The following AATF variants were observed in gnomAD, a reference collection of about 807,000 sequenced individuals.
The protein encoded by AATF is apoptosis antagonizing transcription factor.
Under a neutral mutation model 63.7 loss-of-function variants are expected in AATF, and 48 were observed. The observed-to-expected ratio is 0.75, with a 90% CI of 0.60 to 0.96. AATF has a LOEUF of 0.96. AATF is among the 40% of genes least tolerant of loss of function. AATF has a pLI of 0.00. For missense variants in AATF, 639 were observed against 685.7 expected (o/e 0.93, Z 0.76); for synonymous variants, 258 against 247.7 (o/e 1.04, Z -0.39).
intron 8 of AATF, among the ~76,000 whole-genome samples, chr17:37,018,363 T>C (rs958287039): frequency 2.0e-5 from 3 of 152,218 alleles, no homozygotes; most frequent in Non-Finnish European, 2.9e-5. Context: ...TAATCCTCTG[T>C]GGTATATTTG....
chr17:37,024,874 G>A (rs977933976), intron 10 of AATF, among the ~76,000 whole-genome samples: 7 of 152,158 alleles, frequency 4.6e-5, no homozygotes, highest in East Asian at 1.9e-4. Context: ...CGGGAGAATC[G>A]TTTGAACCAG....
At chr17:36,984,384 G>A (rs1314488480) in intron 4 of AATF, among the ~76,000 whole-genome samples, 2 of 152,172 alleles carry the variant, frequency 1.3e-5, no homozygotes, top group African/African-American at 4.8e-5. Context: ...AATGCAGAGA[G>A]GTTCAGACAG....
chr17:37,029,892 G>A (rs1401880631), intron 10 of AATF, among the ~76,000 whole-genome samples: 2 of 151,786 alleles, frequency 1.3e-5, no homozygotes, highest in African/African-American at 4.8e-5. Context: ...TTGTAGAGAC[G>A]GGGTCTTGCT....
At chr17:37,037,394 G>C (rs1402154343) in intron 11 of AATF, among the ~76,000 whole-genome samples, 3 of 152,140 alleles carry the variant, frequency 2.0e-5, no homozygotes, top group Admixed American at 6.6e-5. Context: ...AGAAGAAAAG[G>C]CTTGACATCT....
At chr17:37,028,912 AT>A (rs1287524363) in intron 10 of AATF, among the ~76,000 whole-genome samples, 1 of 152,216 alleles carries the variant, frequency 6.6e-6, no homozygotes, top group Non-Finnish European at 1.5e-5. Flanking sequence ...GACATTGCTT[AT>A]AAGGCTAGGT....
At chr17:36,951,185 G>A (rs903774592) in intron 2 of AATF, among the ~76,000 whole-genome samples, 1 of 152,170 alleles carries the variant, frequency 6.6e-6, no homozygotes, top group Non-Finnish European at 1.5e-5. Flanking sequence ...CTTTAGAAAG[G>A]TCAGGGGTGT....
intron 11 of AATF, among the ~76,000 whole-genome samples, chr17:37,045,279 C>A (rs933483198): frequency 4.6e-5 from 7 of 152,242 alleles, no homozygotes; most frequent in Admixed American, 2.0e-4. Context: ...CCCTGGGCAC[C>A]TCCACTTACG....
Position 36,952,898 on chromosome 17 carries a change from CT to C in AATF, c.297del (p.Asp100MetfsTer110). ...TLPGSSDEEI[S>X]DEEGSGDEDS... Reference sequence around the variant, plus strand: ...CTCTTCTTTGTAGATGAGGAAATATCTGATGAGGAAGGGTCTGGAGATGAAG... The same window carrying C: ...CTCTTCTTTGTAGATGAGGAAATATCGATGAGGAAGGGTCTGGAGATGAAG... On this transcript the variant is annotated frameshift_variant, in exon 3 of 12. Coordinates refer to ENST00000619387, the MANE Select transcript of AATF (RefSeq NM_012138.4). LOFTEE classifies it high-confidence loss of function. 1 of 1,612,390 alleles carries C rather than the reference CT, an allele frequency of 6.2e-7. No homozygotes were observed.
chr17:36,990,961 CAGA>C, intron 8 of AATF, 104 bp downstream of exon 8: 1 of 778,950 alleles, frequency 1.3e-6, no homozygotes, highest in South Asian at 2.2e-5. Context: ...AGGATAGAGT[CAGA>C]CAGTGAGTTA....
rs983096028 is a variant in AATF, at chr17:36,950,339, G to C, written c.217G>C (p.Gly73Arg). 4 of 1,614,076 alleles carry C rather than the reference G, an allele frequency of 2.5e-6. No homozygotes were observed. Among genetic ancestry groups the C allele is most frequent in the Non-Finnish European group, 2.5e-6 (3 of 1,180,024 alleles). The change falls in exon 2 of 12, where the codon GGC becomes CGC. Residue 73 changes from glycine to arginine, a missense_variant. Transcript: ENST00000619387. ...CTTGGACACGGACAAAAGGTATTGC[G>C]GCAAAACCACCTCTAGAAAAGCATG... ...SLLDTDKRYC[G>R]KTTSRKAWNE...
intron 4 of AATF, among the ~76,000 whole-genome samples, chr17:36,977,239 T>A (rs1448444030): frequency 3.3e-5 from 5 of 152,206 alleles, no homozygotes; most frequent in Non-Finnish European, 5.9e-5. Flanking sequence ...GGATGCTGGA[T>A]GACAGGCTGA....
intron 4 of AATF, among the ~76,000 whole-genome samples, chr17:36,961,776 G>A (rs904869084): frequency 2.6e-5 from 4 of 151,990 alleles, no homozygotes; most frequent in Admixed American, 2.6e-4. Context: ...CCGGGTTTAA[G>A]CAATTCTCCT....
Position 37,056,584 on chromosome 17 carries a change from CTG to C in AATF, c.1620-13_1620-12del. ...GTGAACCAGTGTGTTAACCAGTTTG[CTG>C]TGTTTGTCTTTTAGGACAGAACTGT... On this transcript the variant is annotated splice_polypyrimidine_tract_variant and intron_variant, in intron 11 of 11. Transcript: ENST00000619387. 1 of 1,614,002 alleles carries C rather than the reference CTG, an allele frequency of 6.2e-7. No homozygotes were observed. The highest frequency in any genetic ancestry group is 8.5e-7 in the Non-Finnish European group (1 of 1,179,904).
Position 36,988,529 on chromosome 17 carries a change from T to A in AATF, c.958T>A (p.Ser320Thr), listed in dbSNP as rs2071186600. Residue 320 changes from serine to threonine, a missense_variant, in exon 6 of 12, where the codon TCT becomes ACT. Coordinates refer to ENST00000619387, the MANE Select transcript of AATF (RefSeq NM_012138.4). ...TKPNAGSEEI[S>T]SEDDELVEEK... is the part of the protein sequence containing the mutation. ...TTACTGCTTTTCTAGTGAGGAGATT[T>A]CTAGTGAAGATGATGAGCTGGTAGA... The A allele has an allele frequency of 6.2e-7, 1 of 1,613,880 alleles. No individual in the cohort carries two copies. Among genetic ancestry groups the A allele is most frequent in the East Asian group, 2.2e-5 (1 of 44,896 alleles).
chr17:36,954,120 T>C (rs1045553330), intron 4 of AATF, among the ~76,000 whole-genome samples: 5 of 148,770 alleles, frequency 3.4e-5, no homozygotes, highest in Non-Finnish European at 7.4e-5. Context: ...GAGTCTCAAG[T>C]ACAGTGGCGC....
chr17:37,001,936 T>G (rs1454056950), intron 8 of AATF, among the ~76,000 whole-genome samples: 1 of 152,168 alleles, frequency 6.6e-6, no homozygotes. Flanking sequence ...GCACGGTGGC[T>G]CACGTCTGTA....
intron 4 of AATF, among the ~76,000 whole-genome samples, chr17:36,964,599 T>A (rs1239832288): frequency 1.3e-5 from 2 of 152,162 alleles, no homozygotes; most frequent in African/African-American, 4.8e-5. Context: ...ATTGGAAAAT[T>A]GTGTTTTCTT....
intron 11 of AATF, among the ~76,000 whole-genome samples, chr17:37,051,791 G>A (rs1262886966): frequency 7.0e-6 from 1 of 142,462 alleles, no homozygotes; most frequent in Non-Finnish European, 1.5e-5. Flanking sequence ...TCTAGAAACA[G>A]GTTTTAAGAT....
intron 9 of AATF, 98 bp downstream of exon 9, chr17:37,019,170 T>C: frequency 1.0e-6 from 1 of 985,298 alleles, no homozygotes; most frequent in Non-Finnish European, 1.6e-6. Context: ...TGATTGGTCC[T>C]ATAATTATTG....
Sources: allele counts gnomAD v4.1 joint callset (sites outside exome capture counted in the v4.1 genomes callset), GRCh38; gene constraint gnomAD v4.1.1; transcripts MANE v1.5; gene names NCBI Gene and HGNC (gene_info 2026-07-23, HGNC 2026-07-21).